Variants in NRXN3 observed in about 807,000 individuals in gnomAD.
NRXN3 encodes neurexin 3, also known as neurexin III.
Under a neutral mutation model 137.6 loss-of-function variants are expected in NRXN3, and 32 were observed. The ratio of observed to expected loss-of-function variants is 0.23; its 90% confidence interval spans 0.18 to 0.31. NRXN3 has a LOEUF of 0.31. Ranked by LOEUF, NRXN3 falls within the 10% of genes least tolerant of loss-of-function variation. The pLI is 1.00. For synonymous variants in NRXN3, 798 were observed against 784.5 expected, an observed-to-expected ratio of 1.02 and a Z score of -0.29; for missense variants, 1,574 against 2,062.5, an observed-to-expected ratio of 0.76 and a Z score of 4.59.
chr14:79,186,524 T>C (rs774655928), intron 15 of NRXN3, among the ~76,000 whole-genome samples: 8 of 152,194 alleles, frequency 5.3e-5, no homozygotes, highest in Non-Finnish European at 7.3e-5. Flanking sequence ...AGTAATTACA[T>C]TGAAGTTGTC....
In NRXN3 at chr14:78,386,177, A is replaced by T. The variant is rs181165285; in HGVS notation, c.757+88317A>T. Reference sequence around the variant, plus strand: ...AGTTACAGTAGCCAGACAGATCTATATTCAGTTTATTATATTTGATTTTCA... The same window carrying T: ...AGTTACAGTAGCCAGACAGATCTATTTTCAGTTTATTATATTTGATTTTCA... On this transcript the variant is annotated intron_variant, in intron 4 of 20. Coordinates refer to ENST00000335750, the MANE Select transcript of NRXN3 (RefSeq NM_001330195.2). Among the ~76,000 whole-genome samples, 985 of 152,272 alleles carry T rather than the reference A, an allele frequency of 6.5e-3. 6 individuals are homozygous for T. The highest frequency in any genetic ancestry group is 0.022 in the African/African-American group (925 of 41,544).
Position 78,296,911 on chromosome 14 carries a change from A to T in NRXN3, c.728-920A>T, listed in dbSNP as rs577225223. ...TTTGGATATGTCAAATATCTCCAGT[A>T]ACAACAGAACCAATACAAGAGCAGA... On this transcript the variant is annotated intron_variant, in intron 3 of 20. Transcript: ENST00000335750. Among the ~76,000 whole-genome samples, 3 of 152,304 alleles carry T rather than the reference A, an allele frequency of 2.0e-5. No individual in the cohort carries two copies. In the South Asian group the frequency reaches 6.2e-4, roughly 32 times the overall value.
At chr14:78,255,171 A>G (rs74836073) in intron 2 of NRXN3, among the ~76,000 whole-genome samples, 4 of 73,892 alleles carry the variant, frequency 5.4e-5, no homozygotes, top group African/African-American at 8.2e-5. Context: ...CAGCAGCAGA[A>G]AAAAAAAAAA....
At chr14:78,967,812 G>T (rs2099423683) in intron 13 of NRXN3, among the ~76,000 whole-genome samples, 1 of 152,252 alleles carries the variant, frequency 6.6e-6, no homozygotes, top group East Asian at 1.9e-4. Flanking sequence ...GTTAGTTTCT[G>T]TATAGGTCGT....
At chr14:79,263,016 CTGTT>C (rs1358937132) in intron 15 of NRXN3, among the ~76,000 whole-genome samples, 1 of 152,104 alleles carries the variant, frequency 6.6e-6, no homozygotes, top group Admixed American at 6.6e-5. Context: ...TGTCTGTGGC[CTGTT>C]TGTTTGACCT....
At chr14:78,574,409 A>G (rs2096917365) in intron 4 of NRXN3, among the ~76,000 whole-genome samples, 1 of 152,250 alleles carries the variant, frequency 6.6e-6, no homozygotes, top group South Asian at 2.1e-4. Context: ...ATGCCAGCCA[A>G]TGAAAGCAGC....
At chr14:78,882,606 T>A (rs757035160) in intron 10 of NRXN3, among the ~76,000 whole-genome samples, 2 of 151,784 alleles carry the variant, frequency 1.3e-5, no homozygotes, top group Non-Finnish European at 2.9e-5. Flanking sequence ...CCATTTGGAA[T>A]GGGTATATTT....
intron 4 of NRXN3, among the ~76,000 whole-genome samples, chr14:78,361,810 C>T (rs1367318990): frequency 6.6e-6 from 1 of 152,128 alleles, no homozygotes; most frequent in Admixed American, 6.6e-5. Context: ...AAAACGGCTC[C>T]CTTTATTTGT....
intron 20 of NRXN3, among the ~76,000 whole-genome samples, chr14:79,836,555 C>T (rs1200232562): frequency 6.6e-6 from 1 of 152,094 alleles, no homozygotes; most frequent in Non-Finnish European, 1.5e-5. Flanking sequence ...GTTTGGCCAC[C>T]TTTATAATAG....
At chr14:78,526,750 G>T in intron 4 of NRXN3, 1 of 517,954 alleles carries the variant, frequency 1.9e-6, no homozygotes, top group Non-Finnish European at 3.9e-6. Context: ...TAGGGATGAT[G>T]ACTATTTATA....
chr14:79,705,077 G>A (rs1209576906), intron 19 of NRXN3, among the ~76,000 whole-genome samples: 1 of 152,132 alleles, frequency 6.6e-6, no homozygotes, highest in East Asian at 1.9e-4. Flanking sequence ...AATTCATAGA[G>A]ATGCCCTTCC....
At position 79,794,467 on chromosome 14, in the gene NRXN3, G is replaced by A. The variant is rs537311192; in HGVS notation, c.4015-10645G>A. 3.3e-5 allele frequency among the ~76,000 whole-genome samples: 5 copies of A among 152,238 alleles called. No homozygotes were observed. In the East Asian group the frequency reaches 9.7e-4, roughly 29 times the overall value. ...TCATGTCATCGTCTTTACTGTAAAT[G>A]GTTGGTTGATACAGAGACTTAAGAA... On this transcript the variant is annotated intron_variant, in intron 19 of 20. Coordinates refer to ENST00000335750, the MANE Select transcript of NRXN3 (RefSeq NM_001330195.2).
Position 78,966,376 on chromosome 14 carries a change from A to G in NRXN3, c.2747A>G (p.Asn916Ser), listed in dbSNP as rs1250565431. 1.9e-6 allele frequency: 3 copies of G among 1,613,862 alleles called. No individual in the cohort carries two copies. The highest frequency in any genetic ancestry group is 2.7e-5 in the African/African-American group (2 of 74,932). ...ATTCTCTTCAATAGTGGTGATGGCAATGACTTCATTGCAGTCGAGCTTGTC... is the reference window on the plus strand; with the variant it reads ...ATTCTCTTCAATAGTGGTGATGGCAGTGACTTCATTGCAGTCGAGCTTGTC... ...GFILFNSGDG[N>S]DFIAVELVKG... Residue 916 changes from asparagine to serine, a missense_variant, in exon 12 of 21, where the codon AAT becomes AGT. Physicochemically the swap from Asn to Ser is conservative, Grantham distance 46. Coordinates refer to ENST00000335750, the MANE Select transcript of NRXN3 (RefSeq NM_001330195.2).
At chr14:79,485,285 C>G (rs1567253136) in intron 16 of NRXN3, among the ~76,000 whole-genome samples, 1 of 152,102 alleles carries the variant, frequency 6.6e-6, no homozygotes, top group East Asian at 1.9e-4. Flanking sequence ...TCAGATACTT[C>G]CTCTAGGGAT....
intron 16 of NRXN3, among the ~76,000 whole-genome samples, chr14:79,527,141 A>G (rs2097127545): frequency 6.6e-6 from 1 of 151,870 alleles, no homozygotes; most frequent in South Asian, 2.1e-4. Context: ...TAAAAATACA[A>G]AAATTAGCCG....
At chr14:79,163,593 C>T (rs1482648583) in intron 15 of NRXN3, among the ~76,000 whole-genome samples, 1 of 151,932 alleles carries the variant, frequency 6.6e-6, no homozygotes, top group Admixed American at 6.6e-5. Flanking sequence ...CCTTGATATA[C>T]TCTGTTTACC....
chr14:79,448,264 G>A (rs1041756901), intron 15 of NRXN3, among the ~76,000 whole-genome samples: 1 of 152,082 alleles, frequency 6.6e-6, no homozygotes, highest in African/African-American at 2.4e-5. Context: ...TCTGCACTCA[G>A]ATTACTATTG....
At chr14:78,482,315 C>T (rs2095486965) in intron 4 of NRXN3, among the ~76,000 whole-genome samples, 1 of 152,106 alleles carries the variant, frequency 6.6e-6, no homozygotes, top group Non-Finnish European at 1.5e-5. Flanking sequence ...TTTGATCTGC[C>T]CCATTGAGGT....
At chr14:79,071,071 G>T (rs961355817) in intron 15 of NRXN3, among the ~76,000 whole-genome samples, 5 of 152,158 alleles carry the variant, frequency 3.3e-5, no homozygotes, top group African/African-American at 1.2e-4. Flanking sequence ...GGTTCTTCCT[G>T]AAAAGGAATT....
Sources: gnomAD v4.1 joint callset for allele counts (sites outside exome capture counted in the v4.1 genomes callset) on GRCh38, gnomAD v4.1.1 for gene constraint, MANE v1.5 for transcripts, NCBI Gene and HGNC (gene_info 2026-07-23, HGNC 2026-07-21) for gene names.